Variants in LRRC37A2 observed in about 807,000 individuals in gnomAD.
The protein encoded by LRRC37A2 is leucine-rich repeat-containing protein 37A2.
LRRC37A2 carries 9 observed loss-of-function variants against 68.8 expected under a neutral mutation model. The observed-to-expected ratio is 0.13, with a 90% CI of 0.08 to 0.23. The LOEUF is 0.23. Ranked by LOEUF, LRRC37A2 falls within the 10% of genes least tolerant of loss-of-function variation. The probability of loss-of-function intolerance (pLI) is 1.00; values close to 1 mark genes in which losing one functional copy is unlikely to be tolerated. For missense variants in LRRC37A2, 168 were observed against 950.4 expected, an observed-to-expected ratio of 0.18 and a Z score of 10.82; for synonymous variants, 63 against 367.6, an observed-to-expected ratio of 0.17 and a Z score of 9.48.
chr17:46,776,253 C>A, the LRRC37A2 span, among the ~76,000 whole-genome samples: 1 of 152,178 alleles, frequency 6.6e-6, no homozygotes, highest in African/African-American at 2.4e-5. Flanking sequence ...GCACCCTGGG[C>A]CTCCATACTG....
the LRRC37A2 span, among the ~76,000 whole-genome samples, chr17:46,635,777 A>ATGTG: frequency 0.21 from 23,968 of 116,544 alleles, 1,340 homozygotes; most frequent in Middle Eastern, 0.25. Context: ...GGGAAAATAA[A>ATGTG]TGTGTGTGTG....
At chr17:46,758,826 A>G in the LRRC37A2 span, among the ~76,000 whole-genome samples, 2 of 152,208 alleles carry the variant, frequency 1.3e-5, no homozygotes, top group South Asian at 4.1e-4. Flanking sequence ...TCAGCTATAA[A>G]CAAACACCCC....
At chr17:47,016,250 C>G in the LRRC37A2 span, among the ~76,000 whole-genome samples, 10 of 151,724 alleles carry the variant, frequency 6.6e-5, no homozygotes, top group African/African-American at 2.2e-4. Context: ...GGCCCCCCTT[C>G]AATTTTAAAG....
the LRRC37A2 span, among the ~76,000 whole-genome samples, chr17:46,495,916 T>TA: frequency 1.4e-3 from 163 of 114,744 alleles, 13 homozygotes; most frequent in African/African-American, 4.9e-3. Flanking sequence ...TATGATGAAT[T>TA]AAAAAAAAAT....
the LRRC37A2 span, among the ~76,000 whole-genome samples, chr17:47,023,058 T>C: frequency 1.3e-5 from 2 of 152,268 alleles, no homozygotes; most frequent in African/African-American, 2.4e-5. Context: ...ACCTTTTCAC[T>C]GCTGGGTATT....
chr17:46,957,608 G>A, the LRRC37A2 span, among the ~76,000 whole-genome samples: 1 of 138,278 alleles, frequency 7.2e-6, no homozygotes, highest in Non-Finnish European at 1.6e-5. Context: ...GTGAGACTTG[G>A]TCTCAAAACA....
At chr17:46,868,903 G>A in the LRRC37A2 span, among the ~76,000 whole-genome samples, 76 of 152,354 alleles carry the variant, frequency 5.0e-4, no homozygotes, top group African/African-American at 1.8e-3. Context: ...AGAAGCCATG[G>A]GCTGAGCATG....
At chr17:46,748,921 A>T in the LRRC37A2 span, among the ~76,000 whole-genome samples, 22 of 152,366 alleles carry the variant, frequency 1.4e-4, no homozygotes, top group African/African-American at 4.6e-4. Flanking sequence ...TTGTATAAAC[A>T]TAATAAATAC....
the LRRC37A2 span, among the ~76,000 whole-genome samples, chr17:46,673,909 GGGT>G: frequency 0.34 from 3,167 of 9,284 alleles, 1,441 homozygotes; most frequent in Non-Finnish European, 0.65. Context: ...TATTCCATGG[GGGT>G]GTGTGTGTGT....
At chr17:46,890,693 C>A in the LRRC37A2 span, among the ~76,000 whole-genome samples, 2 of 152,316 alleles carry the variant, frequency 1.3e-5, no homozygotes, top group Admixed American at 1.3e-4. Context: ...TCCATAGTAA[C>A]CCTTGGACCT....
chr17:46,876,170 G>T, the LRRC37A2 span: 4 of 1,387,140 alleles, frequency 2.9e-6, no homozygotes, highest in South Asian at 5.6e-5. Flanking sequence ...CCCTGCTGGG[G>T]TTGGTGCTCT....
the LRRC37A2 span, among the ~76,000 whole-genome samples, chr17:46,893,787 A>G: frequency 6.6e-6 from 1 of 152,208 alleles, no homozygotes; most frequent in Non-Finnish European, 1.5e-5. Context: ...AAAGAAGCAA[A>G]GAGCCCAATT....
At chr17:46,734,008 A>G in the LRRC37A2 span, among the ~76,000 whole-genome samples, 1 of 152,206 alleles carries the variant, frequency 6.6e-6, no homozygotes, top group Non-Finnish European at 1.5e-5. Flanking sequence ...ACTTGGGTAG[A>G]CACACTTGTT....
chr17:46,534,404 C>G (rs375026318), intron 6 of LRRC37A2, among the ~76,000 whole-genome samples: 1 of 147,232 alleles, frequency 6.8e-6, no homozygotes, highest in Non-Finnish European at 1.5e-5. Context: ...TGACTCTTAA[C>G]GAGCATGCTG....
chr17:46,630,959 G>A, the LRRC37A2 span, among the ~76,000 whole-genome samples: 6 of 136,890 alleles, frequency 4.4e-5, no homozygotes, highest in Non-Finnish European at 8.9e-5. Flanking sequence ...AAAATAATAC[G>A]AAGAATTTCT....
chr17:46,814,721 C>G, the LRRC37A2 span, among the ~76,000 whole-genome samples: 1 of 152,230 alleles, frequency 6.6e-6, no homozygotes, highest in African/African-American at 2.4e-5. Flanking sequence ...CTTCCTCCCC[C>G]GCAGTCTCCA....
the LRRC37A2 span, among the ~76,000 whole-genome samples, chr17:46,850,687 G>C: frequency 0.2 from 29,860 of 152,148 alleles, 3,601 homozygotes; most frequent in East Asian, 0.49. Context: ...CAGGTACCAC[G>C]CGCCGCTTTG....
chr17:46,721,625 G>A, the LRRC37A2 span: 287 of 1,586,540 alleles, frequency 1.8e-4, 2 homozygotes, highest in South Asian at 1.1e-3. Flanking sequence ...ATCCTTGCCC[G>A]TGAGCTTCTT....
chr17:46,882,683 G>A, the LRRC37A2 span, among the ~76,000 whole-genome samples: 3 of 152,060 alleles, frequency 2.0e-5, no homozygotes, highest in Non-Finnish European at 4.4e-5. Context: ...TCTTGACTTC[G>A]CTCCATCTCT....
Sources: gnomAD v4.1 joint callset for allele counts (sites outside exome capture counted in the v4.1 genomes callset) on GRCh38, gnomAD v4.1.1 for gene constraint, MANE v1.5 for transcripts, NCBI Gene and HGNC (gene_info 2026-07-23, HGNC 2026-07-21) for gene names.